The following FBXL17 variants were observed in gnomAD, a reference collection of about 807,000 sequenced individuals.
The protein encoded by FBXL17 is F-box/LRR-repeat protein 17.
A neutral mutation model predicts 66.2 loss-of-function variants in FBXL17; 22 were observed. The observed-to-expected ratio is 0.33, with a 90% CI of 0.24 to 0.47. The LOEUF is 0.47. FBXL17 is among the 20% of genes least tolerant of loss of function. The probability of loss-of-function intolerance (pLI) is 1.00; values close to 1 mark genes in which losing one functional copy is unlikely to be tolerated. For missense variants in FBXL17, 878 were observed against 948.2 expected (o/e 0.93, Z 0.97); for synonymous variants, 474 against 400.5 (o/e 1.18, Z -2.19).
chr5:108,165,126 TAGTC>T (rs752730815), intron 6 of FBXL17, among the ~76,000 whole-genome samples: 52 of 152,314 alleles, frequency 3.4e-4, no homozygotes, highest in Non-Finnish European at 4.6e-4. Context: ...AAATTGGAAA[TAGTC>T]AGAATGTCTA....
intron 6 of FBXL17, among the ~76,000 whole-genome samples, chr5:108,150,923 T>C (rs1484049395): frequency 6.6e-6 from 1 of 152,236 alleles, no homozygotes; most frequent in Non-Finnish European, 1.5e-5. Flanking sequence ...AAATTATCTT[T>C]TCCACAGCTT....
chr5:108,230,116 TG>T (rs2150084085), intron 4 of FBXL17, among the ~76,000 whole-genome samples: 1 of 152,312 alleles, frequency 6.6e-6, no homozygotes, highest in East Asian at 1.9e-4. Context: ...TCTACACTGC[TG>T]GTAGGAATGT....
intron 5 of FBXL17, among the ~76,000 whole-genome samples, chr5:108,204,550 C>A (rs1754033230): frequency 6.6e-6 from 1 of 152,248 alleles, no homozygotes; most frequent in South Asian, 2.1e-4. Flanking sequence ...AATAAACACA[C>A]AAGAGATTTG....
intron 4 of FBXL17, among the ~76,000 whole-genome samples, chr5:108,237,453 T>A (rs545483885): frequency 6.6e-6 from 1 of 152,068 alleles, no homozygotes; most frequent in East Asian, 1.9e-4. Flanking sequence ...CAAAAGCAAG[T>A]TTGAAGAGAG....
chr5:107,948,990 T>C (rs1443852036), intron 7 of FBXL17, among the ~76,000 whole-genome samples: 2 of 152,156 alleles, frequency 1.3e-5, no homozygotes, highest in Admixed American at 1.3e-4. Flanking sequence ...CTTTGTCTTT[T>C]TCTCATCACT....
At chr5:107,942,091 C>A (rs1386828948) in intron 7 of FBXL17, among the ~76,000 whole-genome samples, 1 of 152,144 alleles carries the variant, frequency 6.6e-6, no homozygotes, top group Non-Finnish European at 1.5e-5. Context: ...TGTAGAGCTT[C>A]TACCTCTCAG....
At chr5:108,045,886 G>A (rs1263625357) in intron 6 of FBXL17, among the ~76,000 whole-genome samples, 1 of 152,158 alleles carries the variant, frequency 6.6e-6, no homozygotes, top group Non-Finnish European at 1.5e-5. Flanking sequence ...GGGATATAGT[G>A]TGTTTTGGCA....
At chr5:108,214,229 T>A (rs971090806) in intron 5 of FBXL17, among the ~76,000 whole-genome samples, 1 of 152,222 alleles carries the variant, frequency 6.6e-6, no homozygotes, top group African/African-American at 2.4e-5. Context: ...GGCTTGGTAC[T>A]ATCCATGGTT....
chr5:108,334,950 A>G (rs1404847809), intron 4 of FBXL17, among the ~76,000 whole-genome samples: 2 of 152,180 alleles, frequency 1.3e-5, no homozygotes, highest in African/African-American at 2.4e-5. Flanking sequence ...CAACGTACAT[A>G]TTTACAAGAA....
rs764025263 is a variant in FBXL17, at chr5:108,348,499, A to G, written c.1406T>C (p.Ile469Thr). 6.2e-6 allele frequency: 10 copies of G among 1,613,628 alleles called. No individual in the cohort carries two copies. The highest frequency in any genetic ancestry group is 5.9e-6 in the Non-Finnish European group (7 of 1,179,782). ...GATCTTGTAACACTGGCCGAAATGA[A>G]TATCTTTGAGTTCTCTGCATTTTGA... ...LGSKCRELKD[I>T]HFGQCYKISD... is the part of the protein sequence containing the mutation. Residue 469 changes from isoleucine (I) to threonine (T), a missense_variant, in exon 4 of 9, where the codon ATT becomes ACT. Transcript: ENST00000542267.
chr5:108,294,043 CAAAAAAAAAAAAA>C (rs71624893), intron 4 of FBXL17, among the ~76,000 whole-genome samples: 1 of 51,124 alleles, frequency 2.0e-5, no homozygotes, highest in South Asian at 8.7e-4. Flanking sequence ...TCTTGTCTCA[CAAAAAAAAAAAAA>C]AAAAAAAAAA....
chr5:108,334,340 C>A (rs1266558277), intron 4 of FBXL17, among the ~76,000 whole-genome samples: 1 of 152,178 alleles, frequency 6.6e-6, no homozygotes, highest in Non-Finnish European at 1.5e-5. Context: ...CTATTTTCCA[C>A]AGCCCTTTAC....
At chr5:108,015,126 G>C (rs1177999534) in intron 7 of FBXL17, among the ~76,000 whole-genome samples, 1 of 152,076 alleles carries the variant, frequency 6.6e-6, no homozygotes, top group Non-Finnish European at 1.5e-5. Context: ...CCTGCTAAAT[G>C]TAACAGTAGG....
At chr5:108,047,794 C>G (rs760102064) in intron 6 of FBXL17, among the ~76,000 whole-genome samples, 1 of 152,154 alleles carries the variant, frequency 6.6e-6, no homozygotes, top group Non-Finnish European at 1.5e-5. Flanking sequence ...CCTAGATCTC[C>G]CTGGGCCTGA....
chr5:108,292,445 T>C (rs1758153045), intron 4 of FBXL17, among the ~76,000 whole-genome samples: 1 of 152,090 alleles, frequency 6.6e-6, no homozygotes, highest in Admixed American at 6.6e-5. Context: ...ATAGTCTGTA[T>C]CTCTAGTCAG....
At chr5:108,086,850 C>T (rs912474530) in intron 6 of FBXL17, among the ~76,000 whole-genome samples, 5 of 152,080 alleles carry the variant, frequency 3.3e-5, no homozygotes, top group African/African-American at 7.2e-5. Context: ...TGTAAGCTAC[C>T]GCACCCCGCC....
intron 4 of FBXL17, among the ~76,000 whole-genome samples, chr5:108,250,570 T>C (rs1227307007): frequency 1.3e-5 from 2 of 152,058 alleles, no homozygotes; most frequent in Non-Finnish European, 1.5e-5. Flanking sequence ...ATAATTAATA[T>C]AGGAATAAGA....
intron 6 of FBXL17, among the ~76,000 whole-genome samples, chr5:108,118,175 G>A (rs1240608035): frequency 6.6e-6 from 1 of 152,162 alleles, no homozygotes; most frequent in Non-Finnish European, 1.5e-5. Flanking sequence ...CTCCATGCAT[G>A]TGTAAGATTT....
intron 5 of FBXL17, among the ~76,000 whole-genome samples, chr5:108,189,401 G>T (rs1056849107): frequency 1.3e-5 from 2 of 151,960 alleles, no homozygotes; most frequent in African/African-American, 4.8e-5. Flanking sequence ...CTCAGACTCA[G>T]TGTTTTTTTG....
Sources: allele counts gnomAD v4.1 joint callset (sites outside exome capture counted in the v4.1 genomes callset), GRCh38; gene constraint gnomAD v4.1.1; transcripts MANE v1.5; gene names NCBI Gene and HGNC (gene_info 2026-07-23, HGNC 2026-07-21).